PLB1: variants seen among roughly 807,000 people sequenced by gnomAD.
PLB1 encodes phospholipase B1, also known as phospholipase B1, membrane-associated.
PLB1 carries 242 observed loss-of-function variants against 227.4 expected under a neutral mutation model. The ratio of observed to expected loss-of-function variants is 1.06; its 90% CI spans 0.96 to 1.18. The LOEUF is 1.18. PLB1 is among the 50% of genes most tolerant of loss of function. The probability of loss-of-function intolerance (pLI) is 0.00; values close to 1 mark genes in which losing one functional copy is unlikely to be tolerated. For missense variants in PLB1, 1,858 were observed against 1,816.3 expected (o/e 1.02, Z -0.42); for synonymous variants, 757 against 682.2 (o/e 1.11, Z -1.71).
chr2:28,526,107 A>G lies in PLB1; in HGVS notation c.325+162A>G, dbSNP rs371497313. Among the ~76,000 whole-genome samples the G allele has an allele frequency of 2.9e-4, 44 of 152,326 alleles. 1 individual carries two copies. The highest frequency in any genetic ancestry group is 1.0e-3 in the African/African-American group (42 of 41,570). On this transcript the variant is annotated intron_variant, in intron 6 of 57. Transcript: ENST00000327757. ...AGAGGACAGATCAGGAAGCCAGGAT[A>G]TGAAAAATCACAAACCCTGAATGGG...
intron 30 of PLB1, among the ~76,000 whole-genome samples, chr2:28,591,433 C>T (rs1203622067): frequency 3.3e-5 from 5 of 152,200 alleles, no homozygotes; most frequent in Non-Finnish European, 7.3e-5. Context: ...GGTGCAGAAG[C>T]AGGGGCAGGT....
Position 28,563,102 on chromosome 2 carries a change from A to T in PLB1, c.1206+3A>T, listed in dbSNP as rs771155370. ...GAGCCCTGGGTGACTCTCTCACGGTAAGTGACCCTGATGCAGAAGGGGCAG... is the reference window on the plus strand; with the variant it reads ...GAGCCCTGGGTGACTCTCTCACGGTTAGTGACCCTGATGCAGAAGGGGCAG... On this transcript the variant is annotated splice_donor_region_variant and intron_variant, in intron 18 of 57. Transcript: ENST00000327757. 1 of 1,611,774 alleles carries T rather than the reference A, an allele frequency of 6.2e-7. No homozygotes were observed. Among genetic ancestry groups the T allele is most frequent in the South Asian group, 1.1e-5 (1 of 91,026 alleles).
intron 56 of PLB1, among the ~76,000 whole-genome samples, chr2:28,636,033 G>GTGTGTGTGTATGTA (rs142246340): frequency 0.48 from 72,095 of 149,618 alleles, 18,063 homozygotes; most frequent in South Asian, 0.62. Context: ...GTGTGTATGT[G>GTGTGTGTGTATGTA]TGTGTGTGTA....
chr2:28,567,629 A>C (rs971253845), intron 20 of PLB1, among the ~76,000 whole-genome samples: 1 of 151,704 alleles, frequency 6.6e-6, no homozygotes, highest in Non-Finnish European at 1.5e-5. Context: ...CCCCGCCACC[A>C]CACCCAGCTA....
At chr2:28,626,949 C>T (rs1463393378) in intron 51 of PLB1, among the ~76,000 whole-genome samples, 1 of 152,302 alleles carries the variant, frequency 6.6e-6, no homozygotes, top group East Asian at 1.9e-4. Flanking sequence ...GGAGCCCAAA[C>T]CTGTTCCTGA....
rs745419030 is a variant in PLB1 at position 28,632,937 on chromosome 2, G to A, written c.4003-7G>A. On this transcript the variant is annotated splice_region_variant and splice_polypyrimidine_tract_variant and intron_variant, in intron 55 of 57. Coordinates refer to ENST00000327757, the MANE Select transcript of PLB1 (RefSeq NM_153021.5). ...CAGGATGATAACCTCCTTGCCGTTG[G>A]TTGCAGAGAGGGGACACTGACCTCA... The A allele has an allele frequency of 6.2e-7, 1 of 1,611,854 alleles. No individual in the cohort carries two copies. Among genetic ancestry groups the A allele is most frequent in the Non-Finnish European group, 8.5e-7 (1 of 1,178,014 alleles).
chr2:28,534,863 TA>T lies in PLB1; in HGVS notation c.555+2679del, dbSNP rs1014378426. On this transcript the variant is annotated intron_variant, in intron 9 of 57. Transcript: ENST00000327757. ...AGAGAGACTCTGTCTCAAAAGAAAA[TA>T]AAAAAAAAAGAAAAGAAAAAAACAG... Among the ~76,000 whole-genome samples the T allele has an allele frequency of 5.4e-3, 465 of 86,176 alleles. 5 individuals are homozygous for T. The highest frequency in any genetic ancestry group is 0.014 in the African/African-American group (425 of 29,656). 56.5% of individuals were successfully genotyped at this position (86,176 alleles called of 152,430 possible). A position where few individuals can be genotyped will look rare whatever the true frequency, so the allele number is the denominator to read the frequency against.
chr2:28,611,956 T>C lies in PLB1; in HGVS notation c.3130-2075T>C, dbSNP rs552864865. Among the ~76,000 whole-genome samples the C allele has an allele frequency of 6.6e-5, 10 of 152,030 alleles. No homozygotes were observed. In the South Asian group the frequency reaches 2.1e-3, roughly 32 times the overall value. ...GAGATCGAGACCATCCTGGCTAACATGGTGAACCCCCCGTCTCTACTAAAA... is the reference window on the plus strand; with the variant it reads ...GAGATCGAGACCATCCTGGCTAACACGGTGAACCCCCCGTCTCTACTAAAA... On this transcript the variant is annotated intron_variant, in intron 43 of 57. Transcript: ENST00000327757.
At chr2:28,522,962 A>G (rs1004258757) in intron 4 of PLB1, among the ~76,000 whole-genome samples, 3 of 152,208 alleles carry the variant, frequency 2.0e-5, no homozygotes, top group Admixed American at 6.5e-5. Context: ...AAAAAAGTCC[A>G]TAGTGCTGAC....
intron 49 of PLB1, among the ~76,000 whole-genome samples, chr2:28,621,563 T>G (rs536851113): frequency 6.6e-6 from 1 of 152,318 alleles, no homozygotes; most frequent in South Asian, 2.1e-4. Context: ...CTCAGATAAT[T>G]AAAGCTGAAA....
intron 43 of PLB1, among the ~76,000 whole-genome samples, chr2:28,607,081 G>T (rs1405221753): frequency 6.6e-6 from 1 of 152,168 alleles, no homozygotes. Context: ...ACGAGGGTGG[G>T]CCTACCAGGA....
intron 14 of PLB1, among the ~76,000 whole-genome samples, chr2:28,545,910 G>A (rs7608298): frequency 0.88 from 134,609 of 152,148 alleles, 59,891 homozygotes; most frequent in East Asian, 0.99. Flanking sequence ...TCTGTCCTCA[G>A]ACACCCCCGG....
At chr2:28,532,018 T>A in intron 8 of PLB1, 90 bp from the exon 9 acceptor site, 1 of 1,001,564 alleles carries the variant, frequency 1.0e-6, no homozygotes. Flanking sequence ...GGGATGGGTG[T>A]ATGAAATGGA....
intron 20 of PLB1, among the ~76,000 whole-genome samples, chr2:28,567,721 CT>C (rs1282835333): frequency 6.6e-6 from 1 of 152,108 alleles, no homozygotes; most frequent in Non-Finnish European, 1.5e-5. Flanking sequence ...ATCTGCCCGC[CT>C]TGGCCTCCCA....
chr2:28,541,852 G>T, intron 13 of PLB1, 41 bp downstream of exon 13: 1 of 1,502,742 alleles, frequency 6.7e-7, no homozygotes. Flanking sequence ...TGTGGTGGGG[G>T]CCGGGCATGG....
intron 1 of PLB1, among the ~76,000 whole-genome samples, chr2:28,501,842 C>T (rs1667139424): frequency 2.0e-5 from 3 of 152,006 alleles, no homozygotes; most frequent in Admixed American, 2.0e-4. Context: ...CCAGTATGTA[C>T]CATATATACC....
chr2:28,630,348 A>C (rs944733378), intron 53 of PLB1, among the ~76,000 whole-genome samples: 1 of 152,164 alleles, frequency 6.6e-6, no homozygotes, highest in Non-Finnish European at 1.5e-5. Flanking sequence ...CTCTTTCTCT[A>C]TGAACAATCA....
At chr2:28,619,524 G>GTTTT (rs1054121256) in intron 46 of PLB1, among the ~76,000 whole-genome samples, 1 of 47,238 alleles carries the variant, frequency 2.1e-5, no homozygotes, top group Non-Finnish European at 3.9e-5. Context: ...TCAAGGTTTT[G>GTTTT]TTTTTTTTTT....
chr2:28,621,776 C>T (rs1207293992), intron 49 of PLB1, among the ~76,000 whole-genome samples: 1 of 152,172 alleles, frequency 6.6e-6, no homozygotes, highest in South Asian at 2.1e-4. Context: ...AGTTCCTCAA[C>T]GTCACGAGCA....
Sources: allele counts gnomAD v4.1 joint callset (sites outside exome capture counted in the v4.1 genomes callset), GRCh38; gene constraint gnomAD v4.1.1; transcripts MANE v1.5; gene names NCBI Gene and HGNC (gene_info 2026-07-23, HGNC 2026-07-21).